The following FAM184B variants were observed in gnomAD, a reference collection of about 807,000 sequenced individuals.
FAM184B encodes the protein family with sequence similarity 184 member B.
Under a neutral mutation model 135.9 loss-of-function variants are expected in FAM184B, and 111 were observed. That is an observed-to-expected ratio of 0.82 (90% CI 0.70 to 0.96). The LOEUF is 0.96. FAM184B is among the 40% of genes least tolerant of loss of function. The pLI is 0.00. For synonymous variants in FAM184B, 552 were observed against 524.8 expected, an observed-to-expected ratio of 1.05 and a Z score of -0.71; for missense variants, 1,375 against 1,323.9, an observed-to-expected ratio of 1.04 and a Z score of -0.60.
chr4:17,698,748 TTA>T (rs1553836816), intron 5 of FAM184B, among the ~76,000 whole-genome samples: 2 of 152,162 alleles, frequency 1.3e-5, no homozygotes, highest in Non-Finnish European at 2.9e-5. Flanking sequence ...ATTGAAAATG[TTA>T]TGTTATGTAT....
At chr4:17,728,930 G>A (rs989824399) in intron 1 of FAM184B, among the ~76,000 whole-genome samples, 20 of 152,280 alleles carry the variant, frequency 1.3e-4, no homozygotes, top group Middle Eastern at 3.4e-3. Flanking sequence ...CACCATGCGC[G>A]AGCTGAAGCA....
At chr4:17,700,433 C>A (rs1053975301) in intron 5 of FAM184B, among the ~76,000 whole-genome samples, 3 of 152,064 alleles carry the variant, frequency 2.0e-5, no homozygotes, top group Non-Finnish European at 4.4e-5. Context: ...AGAGTCAATT[C>A]ATCAAGAAGA....
Position 17,664,631 on chromosome 4 carries a change from G to A in FAM184B, c.1625C>T (p.Ser542Leu), listed in dbSNP as rs61742649. 8.3e-3 allele frequency: 12,885 copies of A among 1,548,348 alleles called. 855 individuals carry two copies. The African/African-American group carries it at 0.16, about 19-fold the overall frequency. The stretch of plus-strand genomic sequence containing the variant: ...ATCTTGATACTCCTCTCCTCTCGGC[G>A]AAGTTTCATCCAGCTTCAAGCATGG... The part of the protein sequence containing the change: ...QDPCLKLDET[S>L]PRGEEYQDKL... The change falls in exon 8 of 18, where the codon TCG becomes TTG. Residue 542 changes from serine (S) to leucine (L), a missense_variant. Transcript: ENST00000265018.
chr4:17,686,745 T>A (rs1460256744), intron 7 of FAM184B, among the ~76,000 whole-genome samples: 1 of 152,164 alleles, frequency 6.6e-6, no homozygotes, highest in Non-Finnish European at 1.5e-5. Flanking sequence ...AGTTCGAGAC[T>A]AGCCTGGCTA....
chr4:17,709,663 A>G lies in FAM184B; in HGVS notation c.142-19T>C. 2.0e-6 allele frequency: 3 copies of G among 1,475,474 alleles called. No homozygotes were observed. Among genetic ancestry groups the G allele is most frequent in the Non-Finnish European group, 2.7e-6 (3 of 1,114,384 alleles). 91.4% of individuals were successfully genotyped at this position (1,475,474 alleles called of 1,614,324 possible). Reference sequence around the variant, plus strand: ...AAATCACCTGCAGGAAAATCAACAGAGCCCAGTTAGGGTGAGGGGGCTGGG... The same window carrying G: ...AAATCACCTGCAGGAAAATCAACAGGGCCCAGTTAGGGTGAGGGGGCTGGG... On this transcript the variant is annotated intron_variant, in intron 1 of 17. Coordinates refer to ENST00000265018, the MANE Select transcript of FAM184B (RefSeq NM_015688.2).
intron 7 of FAM184B, among the ~76,000 whole-genome samples, chr4:17,678,453 T>A (rs1201060281): frequency 3.3e-5 from 5 of 151,846 alleles, no homozygotes; most frequent in African/African-American, 7.3e-5. Flanking sequence ...AAAAAAACCT[T>A]AGGAATATAC....
At chr4:17,648,348 CTTT>C (rs766872438) in intron 11 of FAM184B, among the ~76,000 whole-genome samples, 7 of 151,328 alleles carry the variant, frequency 4.6e-5, no homozygotes, top group Non-Finnish European at 1.0e-4. Context: ...TATGTCAACT[CTTT>C]TTTATTTTTT....
At chr4:17,674,346 T>C (rs535704231) in intron 7 of FAM184B, among the ~76,000 whole-genome samples, 3 of 152,292 alleles carry the variant, frequency 2.0e-5, no homozygotes, top group South Asian at 4.1e-4. Flanking sequence ...CTATAGTTTA[T>C]TAAGTGTGCA....
intron 1 of FAM184B, among the ~76,000 whole-genome samples, chr4:17,712,349 C>T (rs1363252941): frequency 2.0e-5 from 3 of 152,300 alleles, no homozygotes; most frequent in East Asian, 1.9e-4. Flanking sequence ...CCACATGAGA[C>T]GTCCTCACTG....
intron 16 of FAM184B, among the ~76,000 whole-genome samples, chr4:17,634,566 C>T (rs1715066280): frequency 6.6e-6 from 1 of 152,148 alleles, no homozygotes; most frequent in Admixed American, 6.6e-5. Flanking sequence ...TCAAGTGATC[C>T]ACCCACCTCG....
In FAM184B at chr4:17,754,306, C is replaced by T. The variant is rs541164219; in HGVS notation, c.141+26853G>A. ...GTGACCCGCGCCTGTAATCCCAGCA[C>T]TTTGGGAGGCCGAGGCAGGTAGATC... On this transcript the variant is annotated intron_variant, in intron 1 of 17. Coordinates refer to ENST00000265018, the MANE Select transcript of FAM184B (RefSeq NM_015688.2). 9.9e-5 allele frequency among the ~76,000 whole-genome samples: 15 copies of T among 152,172 alleles called. No homozygotes were observed. In the South Asian group the frequency reaches 2.3e-3, roughly 23 times the overall value.
chr4:17,663,409 A>G (rs2872958), intron 8 of FAM184B, among the ~76,000 whole-genome samples: 77,944 of 152,014 alleles, frequency 0.51, 22,825 homozygotes, highest in East Asian at 0.83. Context: ...AAATAGGAAG[A>G]AAGGAAGTCA....
intron 16 of FAM184B, 137 bp downstream of exon 16, chr4:17,634,872 A>T: frequency 1.7e-6 from 1 of 573,676 alleles, no homozygotes; most frequent in Non-Finnish European, 3.0e-6. Context: ...AGCCATAGAT[A>T]TAAACAAGTG....
intron 5 of FAM184B, among the ~76,000 whole-genome samples, chr4:17,701,483 T>C (rs1212025190): frequency 6.6e-6 from 1 of 152,208 alleles, no homozygotes; most frequent in African/African-American, 2.4e-5. Flanking sequence ...TTGTCATTCA[T>C]TTTGGCTGCC....
chr4:17,720,242 T>C (rs1431962304), intron 1 of FAM184B, among the ~76,000 whole-genome samples: 1 of 152,222 alleles, frequency 6.6e-6, no homozygotes, highest in Non-Finnish European at 1.5e-5. Flanking sequence ...ATATCTCTAC[T>C]TGGATATTGA....
chr4:17,731,799 A>G (rs986290272), intron 1 of FAM184B, among the ~76,000 whole-genome samples: 6 of 152,192 alleles, frequency 3.9e-5, no homozygotes, highest in African/African-American at 1.2e-4. Flanking sequence ...TAAAAAGGAT[A>G]CCCAGGAATT....
At chr4:17,756,911 A>G (rs1277865233) in intron 1 of FAM184B, among the ~76,000 whole-genome samples, 2 of 152,170 alleles carry the variant, frequency 1.3e-5, no homozygotes, top group African/African-American at 4.8e-5. Context: ...TGATAGAGCG[A>G]GACTCCATCT....
intron 1 of FAM184B, among the ~76,000 whole-genome samples, chr4:17,720,447 A>AT (rs1717494817): frequency 6.6e-6 from 1 of 152,216 alleles, no homozygotes; most frequent in Admixed American, 6.5e-5. Flanking sequence ...CCACAATGAG[A>AT]TAGCACTTCA....
chr4:17,693,301 C>T lies in FAM184B; in HGVS notation c.1488+1G>A. 6.5e-7 allele frequency: 1 copy of T among 1,550,244 alleles called. No homozygotes were observed. The highest frequency in any genetic ancestry group is 8.7e-7 in the Non-Finnish European group (1 of 1,145,790). On this transcript the variant is annotated splice_donor_variant, in intron 6 of 17. Transcript: ENST00000265018. LOFTEE classifies it high-confidence loss of function. ...AAGGCTTGCATTTGGTCAGGGCTCA[C>T]CTCAAGCAGAGAATTCTGAAGCTTC... is the stretch of plus-strand genomic sequence containing the variant.
Sources: allele counts gnomAD v4.1 joint callset (sites outside exome capture counted in the v4.1 genomes callset), GRCh38; gene constraint gnomAD v4.1.1; transcripts MANE v1.5; gene names NCBI Gene and HGNC (gene_info 2026-07-23, HGNC 2026-07-21).